Variants in INTS13 observed in about 807,000 individuals in gnomAD.
INTS13 encodes the protein asunder, spermatogenesis regulator homolog (Drosphila).
In INTS13, 35 loss-of-function variants were observed where a neutral mutation model predicts 90.2. The ratio of observed to expected loss-of-function variants is 0.39; its 90% CI spans 0.30 to 0.51. INTS13 has a LOEUF of 0.51. INTS13 is among the 20% of genes least tolerant of loss of function. The pLI is 0.80. For missense variants in INTS13, 601 were observed against 851.2 expected (o/e 0.71, Z 3.66); for synonymous variants, 309 against 277.1 (o/e 1.11, Z -1.14).
At chr12:26,917,585 C>G in intron 9 of INTS13, 59 bp downstream of exon 9, 1 of 1,445,810 alleles carries the variant, frequency 6.9e-7, no homozygotes. Flanking sequence ...AATTGACCCC[C>G]ATATAATACC....
intron 14 of INTS13, 92 bp downstream of exon 14, chr12:26,913,365 T>C: frequency 1.2e-6 from 1 of 844,216 alleles, no homozygotes; most frequent in South Asian, 1.6e-5. Flanking sequence ...AATGAACTAC[T>C]ATTAAATCAG....
intron 15 of INTS13, among the ~76,000 whole-genome samples, chr12:26,909,347 G>GT (rs2137402766): frequency 6.6e-6 from 1 of 152,154 alleles, no homozygotes; most frequent in South Asian, 2.1e-4. Flanking sequence ...GGCAACAAGA[G>GT]TGGACTCCAT....
intron 1 of INTS13, among the ~76,000 whole-genome samples, chr12:26,937,259 G>A (rs2095923340): frequency 1.3e-5 from 2 of 152,150 alleles, no homozygotes; most frequent in African/African-American, 2.4e-5. Flanking sequence ...AACGTTTGAA[G>A]GGGGACTGGC....
intron 2 of INTS13, among the ~76,000 whole-genome samples, chr12:26,935,405 T>G (rs540778668): frequency 6.6e-6 from 1 of 152,360 alleles, no homozygotes; most frequent in Non-Finnish European, 1.5e-5. Context: ...TCTTTTTCCC[T>G]ATATATCGAT....
At chr12:26,909,001 T>C (rs889827884) in intron 15 of INTS13, among the ~76,000 whole-genome samples, 8 of 152,226 alleles carry the variant, frequency 5.3e-5, no homozygotes, top group Admixed American at 3.9e-4. Context: ...CATATGTTTA[T>C]GTAACCTGCT....
chr12:26,915,908 T>C, intron 11 of INTS13, 94 bp downstream of exon 11: 1 of 880,708 alleles, frequency 1.1e-6, no homozygotes, highest in Admixed American at 3.1e-5. Flanking sequence ...GTCTCTTTTT[T>C]TCCACAGACC....
Position 26,913,615 on chromosome 12 carries a change from T to C in INTS13, c.1647A>G (p.Lys549=), listed in dbSNP as rs1951852446. The change falls in exon 14 of 17, where the codon AAA becomes AAG. Residue 549 remains lysine (K), a synonymous_variant. Coordinates refer to ENST00000261191, the MANE Select transcript of INTS13 (RefSeq NM_018164.3). ...LVRAHINNSE[K]HQRVLECLMA... Reference sequence around the variant, plus strand: ...TCAGACATTCCAAGACTCTTTGATGTTTCTCTGAGTTGTTGATATGGGCTC... The same window carrying C: ...TCAGACATTCCAAGACTCTTTGATGCTTCTCTGAGTTGTTGATATGGGCTC... The C allele has an allele frequency of 1.9e-6, 3 of 1,614,034 alleles. No homozygotes were observed. The highest frequency in any genetic ancestry group is 1.7e-5 in the Admixed American group (1 of 60,012).
rs371303669 is a variant in INTS13, at chr12:26,922,719, A to G, written c.805-19T>C. 4.1e-5 allele frequency: 62 copies of G among 1,505,958 alleles called. No homozygotes were observed. The African/African-American group carries it at 5.1e-4, about 12-fold the overall frequency. 93.3% of individuals were successfully genotyped at this position (1,505,958 alleles called of 1,614,324 possible). ...GTTCTTCCTTGAAGTAAAATTTCAA[A>G]CATTTTAAAAAACTTGGTTTTGCTT... On this transcript the variant is annotated intron_variant, in intron 7 of 16. Transcript: ENST00000261191.
At chr12:26,919,616 T>C (rs959898630) in intron 8 of INTS13, among the ~76,000 whole-genome samples, 5 of 151,930 alleles carry the variant, frequency 3.3e-5, no homozygotes, top group South Asian at 2.1e-4. Context: ...GAGAGAAAAA[T>C]TAGTAGACAA....
At chr12:26,924,027 G>A (rs1937726546) in intron 7 of INTS13, among the ~76,000 whole-genome samples, 1 of 151,930 alleles carries the variant, frequency 6.6e-6, no homozygotes, top group Non-Finnish European at 1.5e-5. Context: ...GATCCTTTCT[G>A]GTTGCTTTTC....
At position 26,934,564 on chromosome 12, in the gene INTS13, A is replaced by G. The variant is rs1252574499; in HGVS notation, c.292T>C (p.Leu98=). 1.9e-6 allele frequency: 3 copies of G among 1,610,134 alleles called. No individual in the cohort carries two copies. The highest frequency in any genetic ancestry group is 2.2e-5 in the East Asian group (1 of 44,826). ...TCAAAATCTAACCATACCTCCTGTA[A>G]ATTTTGGTCTTCTTGAGTCCAAGAA... ...LNSWTQEDQN[L]QELMAALAAV... The change falls in exon 3 of 17, where the codon TTA becomes CTA. Residue 98 remains leucine (L), a synonymous_variant. Transcript: ENST00000261191.
At chr12:26,928,070 A>G in intron 5 of INTS13, 135 bp downstream of exon 5, 1 of 540,680 alleles carries the variant, frequency 1.8e-6, no homozygotes, top group Non-Finnish European at 3.1e-6. Context: ...GTTTCTGATC[A>G]AACATACATT....
intron 3 of INTS13, among the ~76,000 whole-genome samples, chr12:26,933,307 C>T (rs1938298265): frequency 6.6e-6 from 1 of 152,044 alleles, no homozygotes; most frequent in African/African-American, 2.4e-5. Context: ...ATCAATGAAA[C>T]AATGCAGGGG....
chr12:26,916,189 A>C lies in INTS13; in HGVS notation c.1070-9T>G. The C allele has an allele frequency of 6.2e-7, 1 of 1,602,000 alleles. No homozygotes were observed. Among genetic ancestry groups the C allele is most frequent in the Non-Finnish European group, 8.5e-7 (1 of 1,174,810 alleles). ...CAATAAAACAGAACGACCTGTCAAA[A>C]ACAAGATTACACTATCAGTAATGAA... On this transcript the variant is annotated splice_polypyrimidine_tract_variant and intron_variant, in intron 10 of 16. Coordinates refer to ENST00000261191, the MANE Select transcript of INTS13 (RefSeq NM_018164.3).
At chr12:26,926,646 T>A (rs936876466) in intron 5 of INTS13, among the ~76,000 whole-genome samples, 1 of 152,242 alleles carries the variant, frequency 6.6e-6, no homozygotes. Context: ...CTGCTCATGC[T>A]TCCTGGCACA....
intron 3 of INTS13, among the ~76,000 whole-genome samples, chr12:26,934,207 G>A (rs1012878062): frequency 6.6e-6 from 1 of 152,174 alleles, no homozygotes; most frequent in African/African-American, 2.4e-5. Context: ...CCTGGGAGAG[G>A]TTGCAGTGAG....
intron 6 of INTS13, among the ~76,000 whole-genome samples, chr12:26,925,313 A>G (rs1937808752): frequency 6.6e-6 from 1 of 152,152 alleles, no homozygotes; most frequent in Non-Finnish European, 1.5e-5. Context: ...AGGATCATCT[A>G]TTCCTTTAAA....
At chr12:26,910,446 G>A (rs1452143767) in intron 15 of INTS13, among the ~76,000 whole-genome samples, 1 of 152,050 alleles carries the variant, frequency 6.6e-6, no homozygotes, top group Non-Finnish European at 1.5e-5. Context: ...ATACGGTTTG[G>A]CTGTGTCCCC....
intron 3 of INTS13, among the ~76,000 whole-genome samples, chr12:26,930,559 A>G (rs939858473): frequency 6.6e-6 from 1 of 152,362 alleles, no homozygotes; most frequent in Non-Finnish European, 1.5e-5. Context: ...TCTTTTATAC[A>G]TTCTTGAACA....
Sources: allele counts gnomAD v4.1 joint callset (sites outside exome capture counted in the v4.1 genomes callset), GRCh38; gene constraint gnomAD v4.1.1; transcripts MANE v1.5; gene names NCBI Gene and HGNC (gene_info 2026-07-23, HGNC 2026-07-21).